Variants in THSD4 observed in about 807,000 individuals in gnomAD.
THSD4 encodes the protein thrombospondin type 1 domain containing 4.
A neutral mutation model predicts 119.0 loss-of-function variants in THSD4; 69 were observed. That is an observed-to-expected ratio of 0.58 (90% CI 0.48 to 0.71). The LOEUF is 0.71. THSD4 is among the 30% of genes least tolerant of loss of function. The pLI, the probability that THSD4 is intolerant of heterozygous loss-of-function variation, is 0.00. For synonymous variants in THSD4, 524 were observed against 540.4 expected (o/e 0.97, Z 0.42); for missense variants, 1,393 against 1,391.1 (o/e 1.00, Z -0.02).
At chr15:71,213,496 A>ATCTTG (rs372451693) in intron 3 of THSD4, among the ~76,000 whole-genome samples, 73 of 152,158 alleles carry the variant, frequency 4.8e-4, no homozygotes, top group African/African-American at 1.7e-3. Context: ...GCCTCCCACA[A>ATCTTG]TCTTGTACTG....
intron 6 of THSD4, among the ~76,000 whole-genome samples, chr15:71,307,871 C>G (rs1342346993): frequency 1.3e-5 from 2 of 152,188 alleles, no homozygotes; most frequent in Non-Finnish European, 2.9e-5. Flanking sequence ...GGAGCCAAGT[C>G]CAGGAGAAAT....
At position 71,738,321 on chromosome 15, in the gene THSD4, C is replaced by T. The variant is rs375031476; in HGVS notation, c.1906+314C>T. ...ATCTCGCCCACCCACCAGTCACCTC[C>T]TGCTGTGCGACCTGGTTCCTAACAG... On this transcript the variant is annotated intron_variant, in intron 11 of 17. Coordinates refer to ENST00000261862, the MANE Select transcript of THSD4 (RefSeq NM_024817.3). 8 of 281,498 alleles carry T rather than the reference C, an allele frequency of 2.8e-5. No homozygotes were observed. In the East Asian group the frequency reaches 7.0e-4, roughly 24 times the overall value. 17.4% of individuals were successfully genotyped at this position (281,498 alleles called of 1,614,324 possible).
At chr15:71,662,929 A>G (rs2051338765) in intron 8 of THSD4, among the ~76,000 whole-genome samples, 2 of 152,158 alleles carry the variant, frequency 1.3e-5, no homozygotes. Context: ...TCCTTAAAAA[A>G]GATGAAGGGA....
chr15:71,445,806 T>A (rs919961985), intron 7 of THSD4, among the ~76,000 whole-genome samples: 1 of 152,264 alleles, frequency 6.6e-6, no homozygotes, highest in Admixed American at 6.5e-5. Flanking sequence ...TTCAAGGTTG[T>A]AGAATTCAAA....
At chr15:71,670,443 G>A (rs1378012961) in intron 8 of THSD4, among the ~76,000 whole-genome samples, 1 of 150,546 alleles carries the variant, frequency 6.6e-6, no homozygotes, top group Admixed American at 6.6e-5. Flanking sequence ...GTATTCCATG[G>A]TGTATATGTG....
chr15:71,547,254 G>A (rs550374532), intron 7 of THSD4: 44 of 1,406,556 alleles, frequency 3.1e-5, no homozygotes, highest in Admixed American at 6.3e-5. Context: ...GGCTGAGCTC[G>A]AAGCGCCGGG....
At chr15:71,339,902 T>A (rs1217056204) in intron 6 of THSD4, among the ~76,000 whole-genome samples, 1 of 152,056 alleles carries the variant, frequency 6.6e-6, no homozygotes, top group African/African-American at 2.4e-5. Flanking sequence ...GTAGCTGAAA[T>A]TACAGTCGCG....
chr15:71,285,849 G>A lies in THSD4; in HGVS notation c.1015+29134G>A, dbSNP rs1300235339. On this transcript the variant is annotated intron_variant, in intron 6 of 17. Coordinates refer to ENST00000261862, the MANE Select transcript of THSD4 (RefSeq NM_024817.3). ...AGCCTGGGTGACAGAGCGAGACTCC[G>A]TCTCAAAAAAAAAAAAAAAAAAAAA... Among the ~76,000 whole-genome samples, 12 of 60,306 alleles carry A rather than the reference G, an allele frequency of 2.0e-4. No homozygotes were observed. In the East Asian group the frequency reaches 2.0e-3, roughly 10 times the overall value. 39.6% of individuals were successfully genotyped at this position (60,306 alleles called of 152,430 possible).
At chr15:71,490,969 G>T (rs77111062) in intron 7 of THSD4, among the ~76,000 whole-genome samples, 6,412 of 152,140 alleles carry the variant, frequency 0.042, 225 homozygotes, top group African/African-American at 0.099. Flanking sequence ...TTAATAGAAA[G>T]GGTTTCCAAA....
chr15:71,105,708 C>T (rs938310637), intron 1 of THSD4, among the ~76,000 whole-genome samples: 2 of 152,178 alleles, frequency 1.3e-5, no homozygotes, highest in Non-Finnish European at 1.5e-5. Flanking sequence ...TTTTCTTTTC[C>T]TCTACATTTC....
intron 7 of THSD4, among the ~76,000 whole-genome samples, chr15:71,413,171 C>T (rs1045000161): frequency 6.6e-6 from 1 of 152,084 alleles, no homozygotes; most frequent in Non-Finnish European, 1.5e-5. Context: ...GCCACCATGC[C>T]CAACTAATTT....
At chr15:71,205,286 G>A (rs1321075691) in intron 3 of THSD4, among the ~76,000 whole-genome samples, 1 of 152,208 alleles carries the variant, frequency 6.6e-6, no homozygotes, top group Non-Finnish European at 1.5e-5. Flanking sequence ...TATACTTGGA[G>A]AAGTATGGTG....
intron 4 of THSD4, among the ~76,000 whole-genome samples, chr15:71,222,542 G>A (rs1346632736): frequency 6.6e-6 from 1 of 152,224 alleles, no homozygotes; most frequent in Non-Finnish European, 1.5e-5. Context: ...GCTGGGATAT[G>A]AAAGCCTCAA....
In THSD4 at chr15:71,419,634, A is replaced by G. The variant is rs1309488577; in HGVS notation, c.1152+7811A>G. Among the ~76,000 whole-genome samples, 3 of 108,534 alleles carry G rather than the reference A, an allele frequency of 2.8e-5. 1 individual carries two copies. The highest frequency in any genetic ancestry group is 6.1e-5 in the Non-Finnish European group (3 of 49,388). 71.2% of individuals were successfully genotyped at this position (108,534 alleles called of 152,430 possible). ...TATAAGTATAAACATCCCTCTTAGT[A>G]CTGCTTTCAGTGTATCCCATAGATT... is the stretch of plus-strand genomic sequence containing the variant. On this transcript the variant is annotated intron_variant, in intron 7 of 17. Transcript: ENST00000261862.
In THSD4 at chr15:71,692,301, G is replaced by T. The variant is rs1053491397; in HGVS notation, c.1357+31567G>T. Among the ~76,000 whole-genome samples the T allele has an allele frequency of 2.0e-5, 3 of 152,154 alleles. No individual in the cohort carries two copies. The East Asian group carries it at 5.8e-4, about 29-fold the overall frequency. Reference sequence around the variant, plus strand: ...GTTTCAAGAATTACATAGCTTATGAGGTCATCTGGCTGGAACTATGATTCC... The same window carrying T: ...GTTTCAAGAATTACATAGCTTATGATGTCATCTGGCTGGAACTATGATTCC... On this transcript the variant is annotated intron_variant, in intron 8 of 17. Coordinates refer to ENST00000261862, the MANE Select transcript of THSD4 (RefSeq NM_024817.3).
intron 4 of THSD4, among the ~76,000 whole-genome samples, chr15:71,240,056 A>G (rs1268943688): frequency 1.3e-5 from 2 of 152,182 alleles, no homozygotes; most frequent in African/African-American, 4.8e-5. Context: ...TTGCTCTGTC[A>G]TTGGGTTTTG....
At chr15:71,258,915 A>C (rs1380362753) in intron 6 of THSD4, among the ~76,000 whole-genome samples, 1 of 152,046 alleles carries the variant, frequency 6.6e-6, no homozygotes, top group Non-Finnish European at 1.5e-5. Flanking sequence ...GGAGTTCAAG[A>C]CCAGCCTGAC....
intron 7 of THSD4, among the ~76,000 whole-genome samples, chr15:71,438,120 A>G (rs950858048): frequency 1.3e-5 from 2 of 152,166 alleles, no homozygotes; most frequent in Non-Finnish European, 2.9e-5. Flanking sequence ...AGCTCTGTGC[A>G]GTGCCCTCCT....
chr15:71,664,022 G>A (rs943624836), intron 8 of THSD4, among the ~76,000 whole-genome samples: 93 of 149,810 alleles, frequency 6.2e-4, no homozygotes, highest in African/African-American at 2.1e-3. Context: ...TCACTCTGTC[G>A]CCCAGGCTGG....
Sources: gnomAD v4.1 joint callset for allele counts (sites outside exome capture counted in the v4.1 genomes callset) on GRCh38, gnomAD v4.1.1 for gene constraint, MANE v1.5 for transcripts, NCBI Gene and HGNC (gene_info 2026-07-23, HGNC 2026-07-21) for gene names.